SPATA13: variants seen among roughly 807,000 people sequenced by gnomAD.
The protein encoded by SPATA13 is spermatogenesis associated 13.
In SPATA13, 50 loss-of-function variants were observed where a neutral mutation model predicts 104.0. That is an observed-to-expected ratio of 0.48 (90% confidence interval 0.38 to 0.61). The LOEUF is 0.61. Ranked by LOEUF, SPATA13 falls within the 20% of genes least tolerant of loss-of-function variation. The pLI is 0.00. For missense variants in SPATA13, 1,524 were observed against 1,690.6 expected, an observed-to-expected ratio of 0.90 and a Z score of 1.73; for synonymous variants, 606 against 667.5, an observed-to-expected ratio of 0.91 and a Z score of 1.42.
At position 24,302,739 on chromosome 13, in the gene SPATA13, A is replaced by C; in HGVS notation, c.3800A>C (p.His1267Pro). 6.2e-7 allele frequency: 1 copy of C among 1,614,148 alleles called. No individual in the cohort carries two copies. Among genetic ancestry groups the C allele is most frequent in the African/African-American group, 1.3e-5 (1 of 75,046 alleles). The change falls in exon 13 of 13, where the codon CAC becomes CCC. Residue 1267 changes from histidine (H) to proline (P), a missense_variant. Around this residue, in one of 2 missense-constraint regions of SPATA13, gnomAD observed 435 missense variants for 554.8 expected, o/e 0.78. Coordinates refer to ENST00000382108, the MANE Select transcript of SPATA13 (RefSeq NM_001166271.3). ...EPKRKSSLFW[H>P]TFNRLTPFRK is the part of the protein sequence containing the mutation. ...AAGAGGAAGTCCTCGCTCTTCTGGCACACCTTCAACAGGCTCACCCCCTTC... is the reference window on the plus strand; with the variant it reads ...AAGAGGAAGTCCTCGCTCTTCTGGCCCACCTTCAACAGGCTCACCCCCTTC...
chr13:24,180,817 A>G (rs1328536403), intron 1 of SPATA13, among the ~76,000 whole-genome samples: 1 of 151,720 alleles, frequency 6.6e-6, no homozygotes, highest in Non-Finnish European at 1.5e-5. Context: ...TTTTTTTTCT[A>G]TGCAGCCATG....
chr13:24,122,808 C>T, intron 3 of SPATA13: 1 of 777,158 alleles, frequency 1.3e-6, no homozygotes, highest in Non-Finnish European at 2.4e-6. Context: ...CTCTCGTTGT[C>T]ATGTCAAACT....
chr13:24,097,879 A>C (rs1880133046), intron 3 of SPATA13, among the ~76,000 whole-genome samples: 1 of 152,222 alleles, frequency 6.6e-6, no homozygotes, highest in Admixed American at 6.5e-5. Flanking sequence ...AACAGAATCA[A>C]ATTAAACATG....
chr13:24,249,745 C>G lies in SPATA13; in HGVS notation c.1922C>G (p.Pro641Arg). 6.2e-7 allele frequency: 1 copy of G among 1,614,176 alleles called. No individual in the cohort carries two copies. The highest frequency in any genetic ancestry group is 8.5e-7 in the Non-Finnish European group (1 of 1,180,044). ...GACCAGAATGCTCCAGTGGGCTGCC[C>G]CAAAGGAGCCCGGAGAAGGCGCCCC... is the stretch of plus-strand genomic sequence containing the variant. ...PEDQNAPVGCPKGARRRRPIS... is the reference protein window; with the variant it reads ...PEDQNAPVGCRKGARRRRPIS... Residue 641 changes from proline to arginine, a missense_variant, in exon 3 of 13, where the codon CCC (proline) becomes CGC (arginine). Physicochemically the swap from Pro to Arg is moderately radical, Grantham distance 103 (BLOSUM62 -2). Coordinates refer to ENST00000382108, the MANE Select transcript of SPATA13 (RefSeq NM_001166271.3).
intron 3 of SPATA13, among the ~76,000 whole-genome samples, chr13:24,111,175 G>C (rs1462789501): frequency 6.6e-6 from 1 of 151,726 alleles, no homozygotes; most frequent in Admixed American, 6.6e-5. Context: ...CTCCCAAAGA[G>C]GCCAGATACA....
intron 3 of SPATA13, chr13:24,123,497 A>T (rs1881108847): frequency 5.6e-6 from 9 of 1,607,378 alleles, no homozygotes; most frequent in African/African-American, 2.7e-5. Context: ...AGCCAATCAT[A>T]TGCAGGGCTC....
At chr13:24,125,040 C>T (rs1415383655) in intron 3 of SPATA13, among the ~76,000 whole-genome samples, 3 of 152,188 alleles carry the variant, frequency 2.0e-5, no homozygotes, top group African/African-American at 7.2e-5. Flanking sequence ...AAGGCAGGGG[C>T]TCTCCCCGGT....
intron 3 of SPATA13, among the ~76,000 whole-genome samples, chr13:24,101,328 C>T (rs946616329): frequency 5.3e-5 from 8 of 152,164 alleles, no homozygotes; most frequent in Admixed American, 5.2e-4. Context: ...ACAGTTTATC[C>T]TCAGTTCAAC....
At chr13:24,243,822 TG>T (rs1872975220) in intron 2 of SPATA13, among the ~76,000 whole-genome samples, 2 of 152,266 alleles carry the variant, frequency 1.3e-5, no homozygotes, top group Admixed American at 6.5e-5. Flanking sequence ...AGGAGAAAAC[TG>T]GGGGGTTAGC....
At chr13:23,998,399 T>C (rs1343722893) in intron 2 of SPATA13, among the ~76,000 whole-genome samples, 1 of 152,256 alleles carries the variant, frequency 6.6e-6, no homozygotes, top group Non-Finnish European at 1.5e-5. Flanking sequence ...ATCCAAATCT[T>C]TTGTCCATTT....
chr13:24,031,148 A>G (rs931894407), intron 3 of SPATA13, among the ~76,000 whole-genome samples: 1 of 152,222 alleles, frequency 6.6e-6, no homozygotes, highest in Non-Finnish European at 1.5e-5. Flanking sequence ...ATTGATTGAT[A>G]CCATGCTTAG....
chr13:24,172,505 C>G (rs1029012623), intron 1 of SPATA13, among the ~76,000 whole-genome samples: 2 of 152,190 alleles, frequency 1.3e-5, no homozygotes, highest in Non-Finnish European at 2.9e-5. Context: ...ACAGTTAAGT[C>G]CATGATCCAT....
chr13:24,003,689 T>C (rs754206513), intron 2 of SPATA13, among the ~76,000 whole-genome samples: 1 of 152,250 alleles, frequency 6.6e-6, no homozygotes, highest in South Asian at 2.1e-4. Flanking sequence ...CAGAGTATTA[T>C]GACTGTAGAA....
intron 4 of SPATA13, chr13:24,271,039 TCA>T (rs1422483856): frequency 5.2e-5 from 36 of 687,988 alleles, no homozygotes; most frequent in Middle Eastern, 2.5e-4. Context: ...TCTCTCTCTC[TCA>T]CTCTCTCTCT....
intron 2 of SPATA13, among the ~76,000 whole-genome samples, chr13:23,990,401 C>T (rs1875357738): frequency 6.6e-6 from 1 of 152,164 alleles, no homozygotes; most frequent in African/African-American, 2.4e-5. Context: ...GCTCATTGCC[C>T]CCTCCTTCCT....
intron 2 of SPATA13, among the ~76,000 whole-genome samples, chr13:24,234,920 G>A (rs1013652011): frequency 6.6e-6 from 1 of 152,198 alleles, no homozygotes; most frequent in Admixed American, 6.5e-5. Context: ...CTAACTAGCA[G>A]TATGTTCTTA....
At chr13:24,271,011 A>ACTCT in intron 4 of SPATA13, 1 of 663,306 alleles carries the variant, frequency 1.5e-6, no homozygotes, top group Non-Finnish European at 2.7e-6. Context: ...CTCTCTCTCC[A>ACTCT]CTCTCTCTCA....
chr13:24,076,622 G>A lies in SPATA13; in HGVS notation c.-112+58921G>A, dbSNP rs9553160. Among the ~76,000 whole-genome samples, 63 of 152,124 alleles carry A rather than the reference G, an allele frequency of 4.1e-4. 1 individual carries two copies. The East Asian group carries it at 0.012, about 29-fold the overall frequency. On this transcript the variant is annotated intron_variant, in intron 3 of 14. Coordinates refer to the SPATA13 transcript ENST00000424834. ...GGTCTTGTGGCTCTGGTGACCCGGG[G>A]TCTGGGGTGGTGCTGTGGGGGATGC...
rs372283758 is a variant in SPATA13 at position 24,286,981 on chromosome 13, G to A, written c.2667+31G>A. 3 of 1,601,784 alleles carry A rather than the reference G, an allele frequency of 1.9e-6. No individual in the cohort carries two copies. The highest frequency in any genetic ancestry group is 1.7e-6 in the Non-Finnish European group (2 of 1,171,964). Reference sequence around the variant, plus strand: ...ACGCCAGGCTGGGACCTCACTGAGGGTCACAGTATGAGGCTGCATGAGGTG... The same window carrying A: ...ACGCCAGGCTGGGACCTCACTGAGGATCACAGTATGAGGCTGCATGAGGTG... On this transcript the variant is annotated intron_variant, in intron 7 of 12. Transcript: ENST00000382108. The surrounding 1 kb of genome is among the most constrained non-coding windows in gnomAD (Gnocchi z 4.9).
Sources: allele counts gnomAD v4.1 joint callset (sites outside exome capture counted in the v4.1 genomes callset), GRCh38; gene constraint gnomAD v4.1.1; regional missense constraint gnomAD v4.1.1; non-coding constraint Gnocchi (gnomAD v3.1); transcripts MANE v1.5; gene names NCBI Gene and HGNC (gene_info 2026-07-23, HGNC 2026-07-21).